The following DPYD variants were observed in gnomAD, a reference collection of about 807,000 sequenced individuals.
DPYD encodes the protein dihydropyrimidine dehydrogenase [NADP(+)].
Under a neutral mutation model 116.2 loss-of-function variants are expected in DPYD, and 109 were observed. The observed-to-expected ratio is 0.94, with a 90% confidence interval of 0.80 to 1.10. The LOEUF (loss-of-function observed/expected upper bound fraction) is 1.10. Among genes scored for constraint, DPYD ranks in the 50% least tolerant of loss-of-function variants. The pLI, the probability that DPYD is intolerant of heterozygous loss-of-function variation, is 0.00. For missense variants in DPYD, 1,302 were observed against 1,254.5 expected (o/e 1.04, Z -0.57); for synonymous variants, 440 against 432.0 (o/e 1.02, Z -0.23).
intron 13 of DPYD, among the ~76,000 whole-genome samples, chr1:97,492,048 G>T (rs965269960): frequency 4.5e-4 from 69 of 151,976 alleles, no homozygotes; most frequent in Non-Finnish European, 9.4e-4. Flanking sequence ...ATTTCCACTT[G>T]TCAAAGGGGG....
At chr1:97,834,274 T>A (rs968374693) in intron 2 of DPYD, among the ~76,000 whole-genome samples, 6 of 152,006 alleles carry the variant, frequency 3.9e-5, no homozygotes, top group African/African-American at 1.4e-4. Context: ...AAACCAGTCA[T>A]TCATTCATTC....
intron 3 of DPYD, among the ~76,000 whole-genome samples, chr1:97,762,869 C>T (rs770114267): frequency 2.0e-5 from 3 of 152,004 alleles, no homozygotes; most frequent in Non-Finnish European, 4.4e-5. Flanking sequence ...AGATTCAAAT[C>T]CTGATTATTC....
intron 4 of DPYD, among the ~76,000 whole-genome samples, chr1:97,729,140 G>A (rs1035479939): frequency 1.8e-4 from 27 of 152,038 alleles, no homozygotes; most frequent in African/African-American, 6.3e-4. Flanking sequence ...CATTCTTGTA[G>A]AAGATAACGT....
At chr1:97,481,085 A>G (rs1204126982) in intron 13 of DPYD, among the ~76,000 whole-genome samples, 2 of 152,216 alleles carry the variant, frequency 1.3e-5, no homozygotes, top group Non-Finnish European at 1.5e-5. Context: ...GTACTCCTTA[A>G]AATGATAAAG....
chr1:97,494,130 A>G (rs1246601216), intron 13 of DPYD, among the ~76,000 whole-genome samples: 1 of 152,196 alleles, frequency 6.6e-6, no homozygotes, highest in Admixed American at 6.5e-5. Context: ...TAACTACCCA[A>G]TGCTAGTTTC....
chr1:97,519,787 T>C (rs1164360996), intron 12 of DPYD, among the ~76,000 whole-genome samples: 4 of 152,094 alleles, frequency 2.6e-5, no homozygotes, highest in Non-Finnish European at 5.9e-5. Context: ...AGAAATAAAA[T>C]GTTTCAATCA....
intron 19 of DPYD, among the ~76,000 whole-genome samples, chr1:97,222,841 T>A (rs1557950094): frequency 1.3e-5 from 2 of 152,116 alleles, no homozygotes; most frequent in South Asian, 4.1e-4. Context: ...TGTGAAATAG[T>A]TCTGATTCCA....
intron 8 of DPYD, among the ~76,000 whole-genome samples, chr1:97,655,227 G>A (rs780873413): frequency 1.3e-5 from 2 of 152,272 alleles, no homozygotes; most frequent in Non-Finnish European, 1.5e-5. Flanking sequence ...TTAATTTAGT[G>A]AAGAGGAATT....
At position 97,169,673 on chromosome 1, in the gene DPYD, T is replaced by A. The variant is rs562182766; in HGVS notation, c.2622+23396A>T. Among the ~76,000 whole-genome samples, 6 of 152,198 alleles carry A rather than the reference T, an allele frequency of 3.9e-5. No homozygotes were observed. The East Asian group carries it at 1.2e-3, about 29-fold the overall frequency. On this transcript the variant is annotated intron_variant, in intron 20 of 22. Transcript: ENST00000370192. ...TTTAATAGACTCTACTAGCAACCTG[T>A]CACATTTAATCACTACTGAACTAGC...
chr1:97,355,278 T>G (rs1053675085), intron 16 of DPYD, among the ~76,000 whole-genome samples: 1 of 152,098 alleles, frequency 6.6e-6, no homozygotes, highest in African/African-American at 2.4e-5. Context: ...AATTGAAAAA[T>G]TATTGTTGTA....
chr1:97,889,865 TCTA>T (rs1672691940), intron 1 of DPYD, among the ~76,000 whole-genome samples: 1 of 151,944 alleles, frequency 6.6e-6, no homozygotes, highest in Admixed American at 6.6e-5. Flanking sequence ...AAAAACAACT[TCTA>T]CTAACTTAAA....
chr1:97,416,421 G>A (rs1448852525), intron 14 of DPYD, among the ~76,000 whole-genome samples: 2 of 152,114 alleles, frequency 1.3e-5, no homozygotes, highest in African/African-American at 4.8e-5. Context: ...CTGAGAAAAT[G>A]TTTTACTCTC....
intron 1 of DPYD, among the ~76,000 whole-genome samples, chr1:97,904,968 C>G (rs960429422): frequency 6.6e-6 from 1 of 151,972 alleles, no homozygotes; most frequent in African/African-American, 2.4e-5. Context: ...TCAATGTAAT[C>G]TAATTTCTCC....
At chr1:97,771,569 A>T (rs757535222) in intron 3 of DPYD, among the ~76,000 whole-genome samples, 17 of 152,226 alleles carry the variant, frequency 1.1e-4, no homozygotes, top group Non-Finnish European at 2.2e-4. Context: ...AAGAAAGAAA[A>T]TTAAATCATG....
At chr1:97,556,106 A>G (rs1651682284) in intron 11 of DPYD, among the ~76,000 whole-genome samples, 1 of 152,156 alleles carries the variant, frequency 6.6e-6, no homozygotes, top group Non-Finnish European at 1.5e-5. Flanking sequence ...AAATTTAAGG[A>G]GGTCCTTACT....
intron 14 of DPYD, among the ~76,000 whole-genome samples, chr1:97,391,241 ATCTT>A (rs1672688271): frequency 2.0e-5 from 3 of 151,960 alleles, no homozygotes; most frequent in Non-Finnish European, 4.4e-5. Context: ...TCTAAACTGC[ATCTT>A]TTTCCTAAGT....
In DPYD at chr1:97,078,909, C is replaced by T. The variant is rs1648961953; in HGVS notation, c.*67G>A. On this transcript the variant is annotated 3_prime_UTR_variant, in exon 23 of 23. Coordinates refer to ENST00000370192, the MANE Select transcript of DPYD (RefSeq NM_000110.4). ...TTTGGAAAGAGCTGAACACAAGGAT[C>T]ATGATTTTAAAAGATCAGCATATGT... The T allele has an allele frequency of 6.5e-7, 1 of 1,547,874 alleles. No individual in the cohort carries two copies.
chr1:97,206,648 AT>A (rs1659629649), intron 19 of DPYD, among the ~76,000 whole-genome samples: 4 of 45,602 alleles, frequency 8.8e-5, no homozygotes, highest in East Asian at 4.6e-3. Context: ...TTATATATAT[AT>A]ATATATATAT....
chr1:97,518,318 G>C (rs555897267), intron 12 of DPYD, among the ~76,000 whole-genome samples: 139 of 152,052 alleles, frequency 9.1e-4, no homozygotes, highest in African/African-American at 2.7e-3. Context: ...ACTTGTCATA[G>C]GCAGTCTTTT....
Sources: gnomAD v4.1 joint callset for allele counts (sites outside exome capture counted in the v4.1 genomes callset) on GRCh38, gnomAD v4.1.1 for gene constraint, MANE v1.5 for transcripts, NCBI Gene and HGNC (gene_info 2026-07-23, HGNC 2026-07-21) for gene names.